Variants in ATF6 observed in about 807,000 individuals in gnomAD.
ATF6 encodes cyclic AMP-dependent transcription factor ATF-6 alpha.
ATF6 carries 53 observed loss-of-function variants against 83.6 expected under a neutral mutation model. The ratio of observed to expected loss-of-function variants is 0.63; its 90% CI spans 0.51 to 0.80. The LOEUF (loss-of-function observed/expected upper bound fraction) is 0.80. ATF6 is among the 30% of genes least tolerant of loss of function. The probability of loss-of-function intolerance (pLI) is 0.00; values close to 1 mark genes in which losing one functional copy is unlikely to be tolerated. For missense variants in ATF6, 744 were observed against 797.9 expected (o/e 0.93, Z 0.81); for synonymous variants, 288 against 285.8 (o/e 1.01, Z -0.08).
chr1:161,789,408 T>TTC (rs1684829095), intron 4 of ATF6, among the ~76,000 whole-genome samples: 1 of 151,968 alleles, frequency 6.6e-6, no homozygotes, highest in African/African-American at 2.4e-5. Context: ...AGTGAGAACA[T>TTC]GTGATGTTTG....
chr1:161,932,306 A>G (rs1367257944), intron 15 of ATF6, among the ~76,000 whole-genome samples: 1 of 152,116 alleles, frequency 6.6e-6, no homozygotes, highest in Non-Finnish European at 1.5e-5. Flanking sequence ...TCCATCCACT[A>G]CAATCCCTAG....
chr1:161,946,897 A>G (rs1182843348), intron 15 of ATF6, among the ~76,000 whole-genome samples: 1 of 152,224 alleles, frequency 6.6e-6, no homozygotes, highest in East Asian at 1.9e-4. Context: ...AGCAAGTAAG[A>G]TATGACATTT....
chr1:161,854,080 G>A (rs1362368762), intron 12 of ATF6, among the ~76,000 whole-genome samples: 3 of 152,190 alleles, frequency 2.0e-5, no homozygotes, highest in Non-Finnish European at 4.4e-5. Context: ...CAGCATAGGA[G>A]GTTAGAATTT....
At chr1:161,891,027 G>A (rs1258062171) in intron 14 of ATF6, 2 of 152,260 alleles carry the variant, frequency 1.3e-5, no homozygotes, top group Non-Finnish European at 1.5e-5. Flanking sequence ...CGAGGATCTC[G>A]TGTCCACCTT....
At chr1:161,841,579 G>T (rs1686359970) in intron 9 of ATF6, among the ~76,000 whole-genome samples, 1 of 152,118 alleles carries the variant, frequency 6.6e-6, no homozygotes, top group Non-Finnish European at 1.5e-5. Flanking sequence ...TAATAAAATT[G>T]AGACCCACAG....
chr1:161,895,298 T>TTGAAAAGTATA (rs1687650319), intron 14 of ATF6, among the ~76,000 whole-genome samples: 1 of 152,190 alleles, frequency 6.6e-6, no homozygotes, highest in South Asian at 2.1e-4. Flanking sequence ...GGTCAGAAAT[T>TTGAAAAGTATA]TGAAAAGTAT....
rs565543027 is a variant in ATF6, at chr1:161,796,325, C to G, written c.688+3998C>G. ...TAAAATAGTCCCAAAGTTCCCTGAA[C>G]AGTGTTTAATTTTGGGGAGGGATCT... On this transcript the variant is annotated intron_variant, in intron 6 of 15. Transcript: ENST00000367942. Among the ~76,000 whole-genome samples, 355 of 152,276 alleles carry G rather than the reference C, an allele frequency of 2.3e-3. 3 individuals carry two copies. The highest frequency in any genetic ancestry group is 3.9e-3 in the Non-Finnish European group (263 of 68,026).
At position 161,894,521 on chromosome 1, in the gene ATF6, C is replaced by CTTTTTTTTTTTTTTTTTTTTTT. The variant is rs71093131; in HGVS notation, c.1720-17763_1720-17742dup. On this transcript the variant is annotated intron_variant, in intron 14 of 15. Transcript: ENST00000367942. ...TTAGAGGCAACATTTGTTTTGTAGT[C>CTTTTTTTTTTTTTTTTTTTTTT]TTTTTTTTTTTTTTTTTTTTTTTTT... Among the ~76,000 whole-genome samples, 2 of 44,850 alleles carry CTTTTTTTTTTTTTTTTTTTTTT rather than the reference C, an allele frequency of 4.5e-5. 1 individual carries two copies. The highest frequency in any genetic ancestry group is 1.3e-4 in the African/African-American group (2 of 15,110). 29.4% of individuals were successfully genotyped at this position (44,850 alleles called of 152,430 possible).
rs367613392 is a variant in ATF6, at chr1:161,821,082, A to T, written c.1108A>T (p.Lys370Ter). The change falls in exon 9 of 16, where the codon AAA (lysine) becomes TAA (stop). Residue 370 changes from lysine (K) to a stop codon, truncating the protein, a stop_gained. Transcript: ENST00000367942. LOFTEE classifies it high-confidence loss of function. ...DEVVSENQRLKVPSPKRRVVC... is the reference protein window; with the variant it reads ...DEVVSENQRL The stretch of plus-strand genomic sequence containing the variant: ...TCATTTCCTTTAGAACCAGAGGCTT[A>T]AAGTCCCTAGTCCAAAGCGAAGAGT... 6.2e-7 allele frequency: 1 copy of T among 1,610,126 alleles called. No individual in the cohort carries two copies. The highest frequency in any genetic ancestry group is 8.5e-7 in the Non-Finnish European group (1 of 1,178,040).
intron 15 of ATF6, among the ~76,000 whole-genome samples, chr1:161,951,524 A>C (rs956175805): frequency 1.3e-5 from 2 of 152,194 alleles, no homozygotes; most frequent in Non-Finnish European, 2.9e-5. Context: ...AGCTTTGGGC[A>C]TGTAGTGGTG....
At chr1:161,851,254 ACACACAC>A (rs767792259) in intron 10 of ATF6, among the ~76,000 whole-genome samples, 4 of 147,814 alleles carry the variant, frequency 2.7e-5, no homozygotes, top group Non-Finnish European at 6.1e-5. Context: ...ACACACACAC[ACACACAC>A]ACACACACAC....
At chr1:161,843,969 G>A (rs921010453) in intron 9 of ATF6, among the ~76,000 whole-genome samples, 1 of 152,162 alleles carries the variant, frequency 6.6e-6, no homozygotes, top group African/African-American at 2.4e-5. Context: ...CAAATTCAGA[G>A]TTGAGGTGGG....
chr1:161,931,901 C>T (rs1558030795), intron 15 of ATF6, among the ~76,000 whole-genome samples: 1 of 152,144 alleles, frequency 6.6e-6, no homozygotes. Flanking sequence ...GTTTTCTGAA[C>T]ATTTTGCTAA....
intron 4 of ATF6, among the ~76,000 whole-genome samples, chr1:161,787,632 A>G (rs959872170): frequency 6.6e-6 from 1 of 152,176 alleles, no homozygotes. Flanking sequence ...GGCTTAGGAT[A>G]AAATTATTCA....
intron 13 of ATF6, among the ~76,000 whole-genome samples, chr1:161,860,895 A>G (rs771617353): frequency 2.6e-5 from 4 of 152,154 alleles, no homozygotes; most frequent in Non-Finnish European, 5.9e-5. Context: ...AATGTCTTCA[A>G]AGGGAAATAT....
intron 14 of ATF6, among the ~76,000 whole-genome samples, chr1:161,874,762 G>C (rs557568406): frequency 6.6e-6 from 1 of 151,832 alleles, no homozygotes; most frequent in African/African-American, 2.4e-5. Flanking sequence ...ATATGAACTA[G>C]AGAGAATGAT....
chr1:161,846,810 C>CA (rs1686496467), intron 10 of ATF6, among the ~76,000 whole-genome samples: 1 of 151,802 alleles, frequency 6.6e-6, no homozygotes, highest in South Asian at 2.1e-4. Context: ...CTTAAAATCT[C>CA]AGTTTGTGTG....
intron 1 of ATF6, among the ~76,000 whole-genome samples, 195 bp downstream of exon 1, chr1:161,766,637 T>C (rs547604120): frequency 3.3e-4 from 50 of 151,812 alleles, no homozygotes; most frequent in Non-Finnish European, 5.9e-4. Flanking sequence ...ACAGGGAGAG[T>C]AGAATATTGT....
intron 7 of ATF6, among the ~76,000 whole-genome samples, chr1:161,814,207 C>G (rs1685551983): frequency 6.6e-6 from 1 of 152,164 alleles, no homozygotes; most frequent in African/African-American, 2.4e-5. Context: ...TCTGAAGACA[C>G]GTGAAGCAGT....
Sources: allele counts gnomAD v4.1 joint callset (sites outside exome capture counted in the v4.1 genomes callset), GRCh38; gene constraint gnomAD v4.1.1; transcripts MANE v1.5; gene names NCBI Gene and HGNC (gene_info 2026-07-23, HGNC 2026-07-21).